The following RBFOX1 variants were observed in gnomAD, a reference collection of about 807,000 sequenced individuals.
The protein encoded by RBFOX1 is RNA binding protein fox-1 homolog 1.
Under a neutral mutation model 57.7 loss-of-function variants are expected in RBFOX1, and 8 were observed. That is an observed-to-expected ratio of 0.14 (90% CI 0.08 to 0.25). RBFOX1 has a LOEUF of 0.25. Ranked by LOEUF, RBFOX1 falls within the 10% of genes least tolerant of loss-of-function variation. The pLI is 1.00. For synonymous variants in RBFOX1, 326 were observed against 222.4 expected (o/e 1.47, Z -4.15); for missense variants, 611 against 548.5 (o/e 1.11, Z -1.14).
At chr16:5,669,439 T>TTTC (rs139842007) in intron 3 of RBFOX1, among the ~76,000 whole-genome samples, 27 of 150,692 alleles carry the variant, frequency 1.8e-4, no homozygotes, top group Non-Finnish European at 3.4e-4. Flanking sequence ...TTTTTTTTTT[T>TTTC]TGGAGACAGA....
rs751279960 is a variant in RBFOX1, at chr16:7,367,172, A to G, written c.28-150975A>G. 7.2e-5 allele frequency among the ~76,000 whole-genome samples: 11 copies of G among 152,246 alleles called. No homozygotes were observed. In the South Asian group the frequency reaches 1.0e-3, roughly 14 times the overall value. Reference sequence around the variant, plus strand: ...TCTCCTGGGCTAGGTGGTGTTGGCAATGACACTCTGGGGAATGGCTGAGGC... The same window carrying G: ...TCTCCTGGGCTAGGTGGTGTTGGCAGTGACACTCTGGGGAATGGCTGAGGC... On this transcript the variant is annotated intron_variant, in intron 4 of 15. Transcript: ENST00000550418.
intron 4 of RBFOX1, among the ~76,000 whole-genome samples, chr16:7,463,601 G>C (rs1004233412): frequency 6.6e-6 from 1 of 152,164 alleles, no homozygotes; most frequent in Non-Finnish European, 1.5e-5. Flanking sequence ...CATCACCTTG[G>C]TGTTAAGATT....
At chr16:5,811,440 G>C (rs1245105596) in intron 3 of RBFOX1, among the ~76,000 whole-genome samples, 1 of 144,390 alleles carries the variant, frequency 6.9e-6, no homozygotes, top group African/African-American at 2.6e-5. Flanking sequence ...AATGCACCCA[G>C]CTGGAACAAA....
chr16:7,265,395 C>A (rs1012270289), intron 4 of RBFOX1, among the ~76,000 whole-genome samples: 1 of 151,340 alleles, frequency 6.6e-6, no homozygotes, highest in Non-Finnish European at 1.5e-5. Context: ...TCTTTTCTTT[C>A]TTTTTCTTTA....
chr16:7,640,232 T>A (rs1163444252), intron 11 of RBFOX1, among the ~76,000 whole-genome samples: 1 of 152,180 alleles, frequency 6.6e-6, no homozygotes, highest in Admixed American at 6.5e-5. Flanking sequence ...TTTAACCAAT[T>A]CCAAGAAAGA....
At chr16:7,584,101 A>G (rs1457338363) in intron 6 of RBFOX1, among the ~76,000 whole-genome samples, 1 of 152,186 alleles carries the variant, frequency 6.6e-6, no homozygotes. Flanking sequence ...AGCTGACACT[A>G]AGAAAAACTG....
intron 4 of RBFOX1, among the ~76,000 whole-genome samples, chr16:7,447,079 T>C (rs1164126090): frequency 2.0e-5 from 3 of 151,984 alleles, no homozygotes; most frequent in Non-Finnish European, 4.4e-5. Flanking sequence ...CCCAAAGTGC[T>C]GGGATTACAG....
chr16:5,270,727 A>G, intron 1 of RBFOX1: 1 of 490,098 alleles, frequency 2.0e-6, no homozygotes, highest in East Asian at 4.8e-5. Flanking sequence ...AGAAGTGGTC[A>G]ATAAATTGAT....
intron 3 of RBFOX1, among the ~76,000 whole-genome samples, chr16:6,676,113 G>A (rs553721545): frequency 1.3e-5 from 2 of 148,814 alleles, no homozygotes; most frequent in East Asian, 2.0e-4. Context: ...TAGGTAGAAG[G>A]ATGCTGCCTA....
intron 3 of RBFOX1, among the ~76,000 whole-genome samples, chr16:6,706,346 G>A (rs1054923187): frequency 6.6e-6 from 1 of 152,134 alleles, no homozygotes; most frequent in Non-Finnish European, 1.5e-5. Flanking sequence ...AATTATTAAT[G>A]TGCAAAACTG....
intron 1 of RBFOX1, among the ~76,000 whole-genome samples, chr16:6,220,339 G>C (rs1489965600): frequency 6.6e-6 from 1 of 151,902 alleles, no homozygotes; most frequent in African/African-American, 2.4e-5. Flanking sequence ...ATAGATACTA[G>C]GCCCACCCCT....
chr16:5,260,386 G>A (rs1416283131), intron 1 of RBFOX1, among the ~76,000 whole-genome samples: 2 of 152,154 alleles, frequency 1.3e-5, no homozygotes, highest in African/African-American at 2.4e-5. Flanking sequence ...CTAGAGACAT[G>A]AAGAGACACT....
intron 2 of RBFOX1, among the ~76,000 whole-genome samples, chr16:6,367,363 C>T (rs1447341906): frequency 3.9e-5 from 6 of 152,070 alleles, no homozygotes; most frequent in Non-Finnish European, 5.9e-5. Context: ...CTCTGCCTCC[C>T]GGGTTCAGGT....
chr16:5,551,595 G>A (rs560281644), intron 2 of RBFOX1, among the ~76,000 whole-genome samples: 3 of 152,264 alleles, frequency 2.0e-5, no homozygotes, highest in Admixed American at 2.0e-4. Flanking sequence ...CTTTCAGCAC[G>A]GTGATTCGGT....
intron 1 of RBFOX1, among the ~76,000 whole-genome samples, chr16:5,374,966 C>T (rs1178549255): frequency 6.6e-6 from 1 of 151,082 alleles, no homozygotes; most frequent in Non-Finnish European, 1.5e-5. Flanking sequence ...TTTATAAATT[C>T]CTGGGATAGG....
intron 14 of RBFOX1, among the ~76,000 whole-genome samples, chr16:7,681,364 A>T (rs1346351011): frequency 1.3e-5 from 2 of 152,130 alleles, no homozygotes. Flanking sequence ...AGAAAATAGG[A>T]CTAAATCCTT....
chr16:5,999,686 C>T (rs1376461208), intron 4 of RBFOX1, among the ~76,000 whole-genome samples: 4 of 151,658 alleles, frequency 2.6e-5, no homozygotes, highest in South Asian at 2.1e-4. Flanking sequence ...ACGGTGAAAC[C>T]GTGTCTCTAC....
intron 9 of RBFOX1, among the ~76,000 whole-genome samples, chr16:7,599,343 T>G (rs1332795443): frequency 1.3e-5 from 2 of 152,216 alleles, no homozygotes; most frequent in East Asian, 1.9e-4. Context: ...GTGTGCTGAG[T>G]GAGAAACTGG....
chr16:5,775,865 C>T (rs79548855), intron 3 of RBFOX1, among the ~76,000 whole-genome samples: 5,219 of 152,206 alleles, frequency 0.034, 278 homozygotes, highest in African/African-American at 0.12. Context: ...GAAAGACTAT[C>T]GGACGAGTCA....
Sources: gnomAD v4.1 joint callset for allele counts (sites outside exome capture counted in the v4.1 genomes callset) on GRCh38, gnomAD v4.1.1 for gene constraint, MANE v1.5 for transcripts, NCBI Gene and HGNC (gene_info 2026-07-23, HGNC 2026-07-21) for gene names.